DDAH1: variants seen among roughly 807,000 people sequenced by gnomAD.
DDAH1 encodes the protein dimethylarginine dimethylaminohydrolase 1.
A neutral mutation model predicts 28.8 loss-of-function variants in DDAH1; 19 were observed. That is an observed-to-expected ratio of 0.66 (90% confidence interval 0.46 to 0.97). The LOEUF is 0.97. Ranked by LOEUF, DDAH1 falls within the 50% of genes least tolerant of loss-of-function variation. The pLI is 0.00. For missense variants in DDAH1, 326 were observed against 375.9 expected (o/e 0.87, Z 1.10); for synonymous variants, 153 against 154.4 (o/e 0.99, Z 0.07).
At chr1:85,410,324 T>C (rs1652590637) in intron 1 of DDAH1, among the ~76,000 whole-genome samples, 1 of 150,878 alleles carries the variant, frequency 6.6e-6, no homozygotes, top group East Asian at 2.0e-4. Context: ...TAAAATGTAA[T>C]AATGTTTATC....
At chr1:85,556,873 T>C (rs1285850240) in intron 1 of DDAH1, among the ~76,000 whole-genome samples, 2 of 152,144 alleles carry the variant, frequency 1.3e-5, no homozygotes, top group African/African-American at 4.8e-5. Context: ...TCCAAGCACT[T>C]TGGGAGGCCG....
At chr1:85,404,891 C>T (rs567450380) in intron 1 of DDAH1, among the ~76,000 whole-genome samples, 10 of 152,330 alleles carry the variant, frequency 6.6e-5, no homozygotes, top group African/African-American at 1.2e-4. Context: ...TTTGAGGGAA[C>T]GCCATTTCTT....
chr1:85,556,107 T>TCTC (rs532371649), intron 1 of DDAH1, among the ~76,000 whole-genome samples: 25 of 150,106 alleles, frequency 1.7e-4, no homozygotes, highest in Middle Eastern at 3.4e-3. Flanking sequence ...TCCTCCTCCT[T>TCTC]CTCCTCCTCC....
chr1:85,496,709 A>G (rs1265954457), intron 1 of DDAH1, among the ~76,000 whole-genome samples: 1 of 152,250 alleles, frequency 6.6e-6, no homozygotes. Flanking sequence ...ATTGAATTAT[A>G]TCTTGTATCC....
At chr1:85,366,193 CT>C (rs1369987992) in intron 1 of DDAH1, among the ~76,000 whole-genome samples, 1 of 151,930 alleles carries the variant, frequency 6.6e-6, no homozygotes, top group Non-Finnish European at 1.5e-5. Context: ...TCACGATAAT[CT>C]TTAAAAGTTA....
rs531205007 is a variant in DDAH1 at position 85,503,606 on chromosome 1, C to T, written c.-122-7325G>A. Among the ~76,000 whole-genome samples, 14 of 151,548 alleles carry T rather than the reference C, an allele frequency of 9.2e-5. No individual in the cohort carries two copies. In the South Asian group the frequency reaches 2.7e-3, roughly 29 times the overall value. ...CCATCCATCTATCTATCTACTAAGC[C>T]CATGAAGGTACCAGGTTCTGTTCCC... On this transcript the variant is annotated intron_variant, in intron 1 of 6. Transcript: ENST00000426972.
intron 1 of DDAH1, among the ~76,000 whole-genome samples, chr1:85,437,664 T>C (rs183340752): frequency 6.6e-6 from 1 of 152,354 alleles, no homozygotes; most frequent in East Asian, 1.9e-4. Flanking sequence ...CAGTAGGCTA[T>C]TTGTAGTTAA....
At chr1:85,484,619 A>T (rs1305003034) in intron 2 of DDAH1, among the ~76,000 whole-genome samples, 1 of 152,224 alleles carries the variant, frequency 6.6e-6, no homozygotes, top group African/African-American at 2.4e-5. Flanking sequence ...AACCATGTAG[A>T]GCTTTTGATA....
At position 85,325,077 on chromosome 1, in the gene DDAH1, T is replaced by C. The variant is rs542108361; in HGVS notation, c.598-194A>G. ...ATTAAGCTATGAGTCTTTGGAAGAA[T>C]TGCAAGGGTTTTTGTTGCTCTTTAA... On this transcript the variant is annotated intron_variant, in intron 4 of 5. Transcript: ENST00000284031. Among the ~76,000 whole-genome samples, 8 of 152,278 alleles carry C rather than the reference T, an allele frequency of 5.3e-5. No individual in the cohort carries two copies. The East Asian group carries it at 1.5e-3, about 29-fold the overall frequency.
chr1:85,491,150 G>A (rs1355106581), intron 2 of DDAH1, among the ~76,000 whole-genome samples: 1 of 148,820 alleles, frequency 6.7e-6, no homozygotes, highest in Non-Finnish European at 1.5e-5. Context: ...AGGCTCAAAT[G>A]AGCCTCCCAC....
At chr1:85,510,814 T>C (rs1435310287) in intron 1 of DDAH1, among the ~76,000 whole-genome samples, 3 of 152,176 alleles carry the variant, frequency 2.0e-5, no homozygotes, top group South Asian at 2.1e-4. Context: ...CCTAAATATA[T>C]ATGCACTCAA....
At chr1:85,448,399 A>C (rs1237329443) in intron 1 of DDAH1, among the ~76,000 whole-genome samples, 1 of 152,208 alleles carries the variant, frequency 6.6e-6, no homozygotes, top group African/African-American at 2.4e-5. Flanking sequence ...ATTAAGAGTG[A>C]GAGGTTCTGA....
chr1:85,338,020 T>C (rs1299342417), intron 4 of DDAH1, among the ~76,000 whole-genome samples: 1 of 152,248 alleles, frequency 6.6e-6, no homozygotes, highest in Non-Finnish European at 1.5e-5. Context: ...GCTTCAGGGA[T>C]GGGACCAGAC....
rs1406483010 is a variant in DDAH1 at position 85,346,521 on chromosome 1, G to A, written c.597+3894C>T. Among the ~76,000 whole-genome samples, 3 of 152,220 alleles carry A rather than the reference G, an allele frequency of 2.0e-5. No homozygotes were observed. The East Asian group carries it at 5.8e-4, about 29-fold the overall frequency. On this transcript the variant is annotated intron_variant, in intron 4 of 5. Transcript: ENST00000284031. ...AGAAGATTCAGTATGGAGTAGGTTG[G>A]GCAACTGGGGCCAGGGGAATCAGGG...
intron 1 of DDAH1, among the ~76,000 whole-genome samples, chr1:85,527,026 AT>A (rs1657896015): frequency 6.6e-6 from 1 of 152,232 alleles, no homozygotes; most frequent in African/African-American, 2.4e-5. Context: ...ATTAAAAGTA[AT>A]TTTGAGACTC....
chr1:85,439,130 T>G (rs1484001607), intron 1 of DDAH1, among the ~76,000 whole-genome samples: 2 of 149,544 alleles, frequency 1.3e-5, no homozygotes, highest in African/African-American at 4.9e-5. Flanking sequence ...AATCAGTCAT[T>G]GTTATTTCTG....
intron 4 of DDAH1, among the ~76,000 whole-genome samples, chr1:85,339,578 T>A (rs184436174): frequency 1.7e-4 from 26 of 151,986 alleles, no homozygotes; most frequent in Non-Finnish European, 2.4e-4. Flanking sequence ...TGCAGGAGGG[T>A]GGTAGAAAAT....
intron 1 of DDAH1, among the ~76,000 whole-genome samples, chr1:85,363,157 T>C (rs233044): frequency 0.054 from 8,272 of 152,302 alleles, 775 homozygotes; most frequent in African/African-American, 0.19. Flanking sequence ...TTTTGAATGT[T>C]TCACATCTTC....
chr1:85,470,179 G>A (rs1044739168), intron 2 of DDAH1, among the ~76,000 whole-genome samples: 2 of 152,152 alleles, frequency 1.3e-5, no homozygotes, highest in Non-Finnish European at 2.9e-5. Context: ...AGACATACCC[G>A]AGACTGGGTA....
Sources: allele counts gnomAD v4.1 joint callset (sites outside exome capture counted in the v4.1 genomes callset), GRCh38; gene constraint gnomAD v4.1.1; transcripts MANE v1.5; gene names NCBI Gene and HGNC (gene_info 2026-07-23, HGNC 2026-07-21).